Variants in ANXA9 observed in about 807,000 individuals in gnomAD.
ANXA9 encodes annexin A9.
A neutral mutation model predicts 51.8 loss-of-function variants in ANXA9; 47 were observed. The observed-to-expected ratio is 0.91, with a 90% confidence interval of 0.72 to 1.16. The LOEUF is 1.16. Among genes scored for constraint, ANXA9 ranks in the 50% most tolerant of loss-of-function variants. ANXA9 has a pLI of 0.00. For missense variants in ANXA9, 361 were observed against 424.7 expected (o/e 0.85, Z 1.32); for synonymous variants, 154 against 168.7 (o/e 0.91, Z 0.68).
Position 150,994,796 on chromosome 1 carries a change from A to G in ANXA9, c.975+97A>G, listed in dbSNP as rs1671794012. 8.4e-6 allele frequency: 13 copies of G among 1,539,818 alleles called. No homozygotes were observed. The South Asian group carries it at 1.6e-4, about 19-fold the overall frequency. On this transcript the variant is annotated intron_variant, in intron 13 of 13. Coordinates refer to ENST00000368947, the MANE Select transcript of ANXA9 (RefSeq NM_003568.3). Reference sequence around the variant, plus strand: ...ACAGCTGAGCATATTCTTGCCCCATAGAAAACCCAGTAGTTAGCCAGGCAC... The same window carrying G: ...ACAGCTGAGCATATTCTTGCCCCATGGAAAACCCAGTAGTTAGCCAGGCAC...
chr1:150,985,131 A>G (rs1206673497), intron 7 of ANXA9, among the ~76,000 whole-genome samples: 1 of 151,708 alleles, frequency 6.6e-6, no homozygotes, highest in Non-Finnish European at 1.5e-5. Context: ...TGCCACTGCC[A>G]CTGCACACCA....
At chr1:150,982,991 A>T (rs965932221) in intron 2 of ANXA9, 99 bp from the exon 3 acceptor site, 4 of 789,580 alleles carry the variant, frequency 5.1e-6, no homozygotes, top group Non-Finnish European at 8.2e-6. Context: ...GGAAAGGAAC[A>T]GGTGACTGGA....
At chr1:150,978,874 G>A (rs961259071), upstream of ANXA9, among the ~76,000 whole-genome samples, 1 of 152,020 alleles carries the variant, frequency 6.6e-6, no homozygotes, top group African/African-American at 2.4e-5. Flanking sequence ...TGAGGCAGGA[G>A]AATTGCTTGA....
chr1:150,995,157 T>A (rs1232753964), intron 13 of ANXA9, 103 bp from the exon 14 acceptor site: 4 of 1,188,012 alleles, frequency 3.4e-6, no homozygotes, highest in Non-Finnish European at 4.8e-6. Flanking sequence ...GGAGGACCCT[T>A]CCCTCCCAGA....
chr1:150,985,344 A>G (rs1208328591), intron 7 of ANXA9, among the ~76,000 whole-genome samples: 3 of 151,994 alleles, frequency 2.0e-5, no homozygotes, highest in African/African-American at 7.3e-5. Context: ...CCATCACACC[A>G]CATTCCAAGC....
intron 12 of ANXA9, among the ~76,000 whole-genome samples, chr1:150,988,861 ACACTT>A (rs1182911582): frequency 1.3e-5 from 2 of 152,164 alleles, no homozygotes; most frequent in East Asian, 3.8e-4. Flanking sequence ...TCCCTACACA[ACACTT>A]CACGATGTAA....
rs747899268 is a variant in ANXA9 at position 150,995,252 on chromosome 1, G to C, written c.976-8G>C. On this transcript the variant is annotated splice_polypyrimidine_tract_variant and splice_region_variant and intron_variant, in intron 13 of 13. Coordinates refer to ENST00000368947, the MANE Select transcript of ANXA9 (RefSeq NM_003568.3). Reference sequence around the variant, plus strand: ...GATCTTTCTAACACTGAATTCCCTTGTCTGCAGGATGCAGTGAAAGGGGAT... The same window carrying C: ...GATCTTTCTAACACTGAATTCCCTTCTCTGCAGGATGCAGTGAAAGGGGAT... The C allele has an allele frequency of 6.2e-7, 1 of 1,609,078 alleles. No individual in the cohort carries two copies. Among genetic ancestry groups the C allele is most frequent in the Non-Finnish European group, 8.5e-7 (1 of 1,177,414 alleles).
chr1:150,991,707 A>C (rs981469669), intron 12 of ANXA9, among the ~76,000 whole-genome samples: 1 of 151,432 alleles, frequency 6.6e-6, no homozygotes, highest in Non-Finnish European at 1.5e-5. Flanking sequence ...ACATCCGGCT[A>C]ATTTTTTTGT....
At chr1:150,983,299 C>G (rs1021653275) in intron 3 of ANXA9, 39 bp from the exon 4 acceptor site, 8 of 1,607,784 alleles carry the variant, frequency 5.0e-6, no homozygotes, top group Non-Finnish European at 6.8e-6. Flanking sequence ...TGTAGGCAGC[C>G]TGGCCCTGGC....
intron 4 of ANXA9, 64 bp from the exon 5 acceptor site, chr1:150,983,911 A>G (rs1332123222): frequency 6.7e-7 from 1 of 1,500,794 alleles, no homozygotes; most frequent in East Asian, 2.4e-5. Context: ...TCCCTCCTCC[A>G]AGGAGTAGGA....
rs756894684 is a variant in ANXA9 at position 150,984,662 on chromosome 1, C to T, written c.458C>T (p.Ala153Val). 6.2e-7 allele frequency: 1 copy of T among 1,613,908 alleles called. No individual in the cohort carries two copies. Among genetic ancestry groups the T allele is most frequent in the Non-Finnish European group, 8.5e-7 (1 of 1,179,930 alleles). Residue 153 changes from alanine to valine, a missense_variant, in exon 7 of 14, where the codon GCA (alanine) becomes GTA (valine). By Grantham distance (64) the Ala-to-Val change is moderately conservative (BLOSUM62 0). Transcript: ENST00000368947. ...RTPPQLQECL[A>V]VYKHNFQVEA... ...CCACCCCAGCTGCAGGAGTGCCTGG[C>T]AGTCTACAAACACAGTAAGAATATA...
chr1:150,978,537 G>C (rs1671371174), upstream of ANXA9, among the ~76,000 whole-genome samples: 1 of 152,188 alleles, frequency 6.6e-6, no homozygotes, highest in Non-Finnish European at 1.5e-5. Context: ...ATTCCACTGA[G>C]AGGGAGCCCA....
intron 12 of ANXA9, among the ~76,000 whole-genome samples, 170 bp downstream of exon 12, chr1:150,988,511 G>A (rs747526998): frequency 6.6e-6 from 1 of 152,184 alleles, no homozygotes; most frequent in Non-Finnish European, 1.5e-5. Context: ...ATGAGCTGTG[G>A]TGAGAACTAA....
At chr1:150,978,021 A>G (rs924317340), upstream of ANXA9, among the ~76,000 whole-genome samples, 1 of 152,082 alleles carries the variant, frequency 6.6e-6, no homozygotes, top group Non-Finnish European at 1.5e-5. Context: ...CTGTAGTTCC[A>G]GCTACTTTGG....
At chr1:150,982,812 C>G (rs946164897) in intron 2 of ANXA9, among the ~76,000 whole-genome samples, 1 of 152,248 alleles carries the variant, frequency 6.6e-6, no homozygotes, top group Admixed American at 6.5e-5. Context: ...TGGTGCTGAC[C>G]CTGGCATCAG....
At chr1:150,983,025 G>A (rs1671449625) in intron 2 of ANXA9, 65 bp from the exon 3 acceptor site, 3 of 1,229,494 alleles carry the variant, frequency 2.4e-6, no homozygotes, top group Non-Finnish European at 2.3e-6. Context: ...GGTCTCGGGG[G>A]GGTCATAAGG....
Position 150,995,482 on chromosome 1 carries a change from T to A in ANXA9, c.*160T>A. The A allele has an allele frequency of 1.6e-6, 1 of 620,254 alleles. No homozygotes were observed. The highest frequency in any genetic ancestry group is 2.7e-6 in the Non-Finnish European group (1 of 374,480). The allele number at this position is 620,254 out of a possible 1,614,324, so 38.4% of individuals were successfully genotyped here. A position where few individuals can be genotyped will look rare whatever the true frequency, so the allele number is the denominator to read the frequency against. ...CTGGAACTGTTTCTTTAAAATCCCT[T>A]AATTTTCCCATCTCAAAATTATATC... On this transcript the variant is annotated 3_prime_UTR_variant, in exon 14 of 14. Transcript: ENST00000368947.
At chr1:150,990,447 G>A (rs11204756) in intron 12 of ANXA9, among the ~76,000 whole-genome samples, 90,231 of 151,638 alleles carry the variant, frequency 0.6, 27,798 homozygotes, top group East Asian at 0.85. Flanking sequence ...GCTCACTGCA[G>A]CCTTCACCTT....
chr1:150,994,428 CT>C (rs2102808741), intron 12 of ANXA9, 148 bp from the exon 13 acceptor site: 1 of 1,264,042 alleles, frequency 7.9e-7, no homozygotes. Context: ...ACAAACATAA[CT>C]TTTGTCCCGA....
Sources: gnomAD v4.1 joint callset for allele counts (sites outside exome capture counted in the v4.1 genomes callset) on GRCh38, gnomAD v4.1.1 for gene constraint, MANE v1.5 for transcripts, NCBI Gene and HGNC (gene_info 2026-07-23, HGNC 2026-07-21) for gene names.